The following CDC14A variants were observed in gnomAD, a reference collection of about 807,000 sequenced individuals.
CDC14A encodes the protein dual specificity protein phosphatase CDC14A.
In CDC14A, 53 loss-of-function variants were observed where a neutral mutation model predicts 74.4. The observed-to-expected ratio is 0.71, with a 90% CI of 0.57 to 0.89. The LOEUF (loss-of-function observed/expected upper bound fraction) is 0.89, where lower values mean the gene tolerates loss of function less well. Ranked by LOEUF, CDC14A falls within the 40% of genes least tolerant of loss-of-function variation. The pLI is 0.00. For synonymous variants in CDC14A, 247 were observed against 258.4 expected (o/e 0.96, Z 0.43); for missense variants, 646 against 713.7 (o/e 0.91, Z 1.08).
At chr1:100,430,876 C>T (rs1413101950) in intron 5 of CDC14A, among the ~76,000 whole-genome samples, 6 of 152,168 alleles carry the variant, frequency 3.9e-5, no homozygotes, top group African/African-American at 9.7e-5. Flanking sequence ...AACTTTTCCT[C>T]GCTGTTTCTC....
At chr1:100,385,689 A>T (rs1306858786) in intron 3 of CDC14A, among the ~76,000 whole-genome samples, 2 of 152,148 alleles carry the variant, frequency 1.3e-5, no homozygotes, top group African/African-American at 2.4e-5. Flanking sequence ...TTCTCCTTGT[A>T]AAACACAGTG....
At position 100,518,559 on chromosome 1, in the gene CDC14A, A is replaced by T; in HGVS notation, c.*279A>T. 3.4e-6 allele frequency: 1 copy of T among 295,618 alleles called. No homozygotes were observed. Among genetic ancestry groups the T allele is most frequent in the Non-Finnish European group, 6.4e-6 (1 of 156,882 alleles). The allele number at this position is 295,618 out of a possible 1,614,324, so 18.3% of individuals were successfully genotyped here. The stretch of plus-strand genomic sequence containing the variant: ...TATTTTGAAGGGTTATTTTTAATGT[A>T]TTTTGGTAATACATTTATTATTATA... On this transcript the variant is annotated 3_prime_UTR_variant, in exon 16 of 16. Coordinates refer to ENST00000336454, the MANE Select transcript of CDC14A (RefSeq NM_003672.4).
At chr1:100,435,283 T>C (rs1256194941) in intron 5 of CDC14A, among the ~76,000 whole-genome samples, 1 of 152,086 alleles carries the variant, frequency 6.6e-6, no homozygotes. Flanking sequence ...GAGAGCAAAG[T>C]AGGGAGTTAC....
intron 7 of CDC14A, among the ~76,000 whole-genome samples, chr1:100,446,614 A>C (rs1665566340): frequency 6.6e-6 from 1 of 150,514 alleles, no homozygotes; most frequent in South Asian, 2.1e-4. Flanking sequence ...ACATGTAAGC[A>C]ATACAAAAAT....
intron 4 of CDC14A, among the ~76,000 whole-genome samples, chr1:100,411,199 T>A (rs1420567249): frequency 6.6e-6 from 1 of 152,128 alleles, no homozygotes; most frequent in Non-Finnish European, 1.5e-5. Context: ...GGCATTCCAG[T>A]CCTTTGCCTC....
At chr1:100,509,258 G>C (rs1649499503) in intron 15 of CDC14A, among the ~76,000 whole-genome samples, 3 of 152,116 alleles carry the variant, frequency 2.0e-5, no homozygotes, top group African/African-American at 7.2e-5. Context: ...AATCTCACCA[G>C]ACCATAGCAA....
chr1:100,441,363 A>G (rs1664903864), intron 6 of CDC14A, among the ~76,000 whole-genome samples: 1 of 152,202 alleles, frequency 6.6e-6, no homozygotes, highest in Non-Finnish European at 1.5e-5. Context: ...TCATTCTCTT[A>G]CATAAGGCAC....
At chr1:100,453,608 G>T (rs1310337175) in intron 7 of CDC14A, among the ~76,000 whole-genome samples, 1 of 152,010 alleles carries the variant, frequency 6.6e-6, no homozygotes, top group African/African-American at 2.4e-5. Context: ...AACACTCAGG[G>T]TTTCTTAGAT....
chr1:100,391,679 G>A (rs1037462716), intron 4 of CDC14A, among the ~76,000 whole-genome samples: 1 of 152,164 alleles, frequency 6.6e-6, no homozygotes, highest in South Asian at 2.1e-4. Context: ...CTCATTCTAA[G>A]GACCTTGAGG....
chr1:100,512,109 C>T (rs145424283), intron 15 of CDC14A, among the ~76,000 whole-genome samples: 3 of 152,100 alleles, frequency 2.0e-5, no homozygotes, highest in East Asian at 3.9e-4. Context: ...TGACCTGGCT[C>T]GATAGTTATC....
At chr1:100,412,724 T>TATA (rs1660956964) in intron 4 of CDC14A, among the ~76,000 whole-genome samples, 1 of 75,360 alleles carries the variant, frequency 1.3e-5, no homozygotes, top group East Asian at 3.1e-4. Flanking sequence ...ATATATATAT[T>TATA]TTATATATAT....
rs184970404 is a variant in CDC14A at position 100,493,270 on chromosome 1, G to T, written c.1138-1548G>T. 3.9e-5 allele frequency among the ~76,000 whole-genome samples: 6 copies of T among 152,282 alleles called. No homozygotes were observed. In the East Asian group the frequency reaches 1.2e-3, roughly 29 times the overall value. The stretch of plus-strand genomic sequence containing the variant: ...AGGATTCTGTCAGGTCCTCCTAGAA[G>T]CTTTCTTAGCCATTCTCATGAGGAC... On this transcript the variant is annotated intron_variant, in intron 11 of 15. Transcript: ENST00000336454.
intron 3 of CDC14A, among the ~76,000 whole-genome samples, chr1:100,383,979 A>G (rs1331716886): frequency 6.6e-6 from 1 of 151,924 alleles, no homozygotes; most frequent in East Asian, 1.9e-4. Flanking sequence ...CTCCTGACTG[A>G]AGCTGAACAA....
chr1:100,455,532 G>T, intron 8 of CDC14A, 40 bp downstream of exon 8: 7 of 1,094,296 alleles, frequency 6.4e-6, no homozygotes, highest in East Asian at 4.8e-5. Context: ...CATTTATTTT[G>T]ATTTATCTTT....
At chr1:100,400,154 G>A (rs1659075967) in intron 4 of CDC14A, among the ~76,000 whole-genome samples, 1 of 152,180 alleles carries the variant, frequency 6.6e-6, no homozygotes, top group South Asian at 2.1e-4. Flanking sequence ...GTTACAGTGT[G>A]TGTGTTTAAA....
chr1:100,402,535 A>G (rs1244161200), intron 4 of CDC14A, among the ~76,000 whole-genome samples: 1 of 150,150 alleles, frequency 6.7e-6, no homozygotes, highest in Non-Finnish European at 1.5e-5. Context: ...TTTAAAAATA[A>G]ACATCTTAAT....
chr1:100,350,766 C>T (rs907481510), upstream of CDC14A, among the ~76,000 whole-genome samples: 2 of 152,240 alleles, frequency 1.3e-5, no homozygotes, highest in Admixed American at 6.5e-5. Flanking sequence ...AATTTTAAAT[C>T]AGCATCTTCG....
chr1:100,473,711 TG>T (rs1668613604), intron 10 of CDC14A, among the ~76,000 whole-genome samples: 2 of 152,270 alleles, frequency 1.3e-5, no homozygotes, highest in African/African-American at 4.8e-5. Context: ...CTGTTTATTT[TG>T]TATCCCGAAA....
intron 15 of CDC14A, among the ~76,000 whole-genome samples, chr1:100,509,471 T>TA (rs1464119300): frequency 6.6e-6 from 1 of 152,202 alleles, no homozygotes; most frequent in Non-Finnish European, 1.5e-5. Flanking sequence ...ATTGTGGGTA[T>TA]ACTCAGTCCA....
Sources: gnomAD v4.1 joint callset for allele counts (sites outside exome capture counted in the v4.1 genomes callset) on GRCh38, gnomAD v4.1.1 for gene constraint, MANE v1.5 for transcripts, NCBI Gene and HGNC (gene_info 2026-07-23, HGNC 2026-07-21) for gene names.